Variants in SORCS2 observed in about 807,000 individuals in gnomAD.
SORCS2 encodes VPS10 domain-containing receptor SorCS2.
SORCS2 carries 100 observed loss-of-function variants against 141.6 expected under a neutral mutation model. The ratio of observed to expected loss-of-function variants is 0.71; its 90% CI spans 0.60 to 0.83. SORCS2 has a LOEUF of 0.83. SORCS2 is among the 40% of genes least tolerant of loss of function. SORCS2 has a pLI of 0.00. For synonymous variants in SORCS2, 789 were observed against 676.9 expected, an observed-to-expected ratio of 1.17 and a Z score of -2.57; for missense variants, 1,646 against 1,560.2, an observed-to-expected ratio of 1.05 and a Z score of -0.93.
In SORCS2 at chr4:7,462,960, T is replaced by C. The variant is rs1046219583; in HGVS notation, c.548+66605T>C. On this transcript the variant is annotated intron_variant, in intron 2 of 26. Coordinates refer to ENST00000507866, the MANE Select transcript of SORCS2 (RefSeq NM_020777.3). ...GTGCCAGGCTTGCCAATATGGGGAC[T>C]GAGGAGTGCCTGTTTGAGATCACTA... 6.6e-5 allele frequency among the ~76,000 whole-genome samples: 10 copies of C among 151,748 alleles called. No homozygotes were observed. The East Asian group carries it at 1.7e-3, about 26-fold the overall frequency.
chr4:7,235,305 C>G (rs1270408194), intron 1 of SORCS2, among the ~76,000 whole-genome samples: 1 of 152,224 alleles, frequency 6.6e-6, no homozygotes, highest in Non-Finnish European at 1.5e-5. Flanking sequence ...GTGGCCTCAT[C>G]GCCAGGACCC....
chr4:7,654,838 G>C (rs1300230800), intron 5 of SORCS2, among the ~76,000 whole-genome samples: 1 of 152,196 alleles, frequency 6.6e-6, no homozygotes, highest in East Asian at 1.9e-4. Context: ...GAGAAAGGAG[G>C]CTCCTGTCCC....
chr4:7,488,623 G>A (rs1232451613), intron 2 of SORCS2, among the ~76,000 whole-genome samples: 1 of 152,190 alleles, frequency 6.6e-6, no homozygotes, highest in Admixed American at 6.5e-5. Context: ...CACTCACCAG[G>A]ACAGGAACGG....
chr4:7,333,414 A>G (rs547036633), intron 1 of SORCS2, among the ~76,000 whole-genome samples: 3 of 152,218 alleles, frequency 2.0e-5, no homozygotes, highest in Non-Finnish European at 4.4e-5. Context: ...GCGGCAGCCC[A>G]GATGGGACAT....
At chr4:7,393,333 A>G (rs1723984955) in intron 1 of SORCS2, among the ~76,000 whole-genome samples, 1 of 152,186 alleles carries the variant, frequency 6.6e-6, no homozygotes, top group Non-Finnish European at 1.5e-5. Flanking sequence ...AAGAGCCCCA[A>G]GGCTAACACG....
At chr4:7,694,701 CACTT>C (rs1489365431) in intron 11 of SORCS2, among the ~76,000 whole-genome samples, 1 of 152,202 alleles carries the variant, frequency 6.6e-6, no homozygotes, top group East Asian at 1.9e-4. Context: ...TCACCTCACT[CACTT>C]CATTCATTCA....
rs2108841838 is a variant in SORCS2 at position 7,192,807 on chromosome 4, A to G, written c.161A>G (p.Glu54Gly). 1 of 1,023,192 alleles carries G rather than the reference A, an allele frequency of 9.8e-7. No homozygotes were observed. The allele number at this position is 1,023,192 out of a possible 1,614,324, so 63.4% of individuals were successfully genotyped here. A position where few individuals can be genotyped will look rare whatever the true frequency, so the allele number is the denominator to read the frequency against. Residue 54 changes from glutamate to glycine, a missense_variant, in exon 1 of 27, where the codon GAG (glutamate) becomes GGG (glycine). Physicochemically the swap from Glu to Gly is moderately conservative, Grantham distance 98. Coordinates refer to ENST00000507866, the MANE Select transcript of SORCS2 (RefSeq NM_020777.3). The surrounding 1 kb of genome is among the most constrained non-coding windows in gnomAD (Gnocchi z 4.0). ...TGCGGGGCGGCGGGGCGCTCCCCTGAGCCCGGGCGCCTGGGTCCTCACGCC... is the reference window on the plus strand; with the variant it reads ...TGCGGGGCGGCGGGGCGCTCCCCTGGGCCCGGGCGCCTGGGTCCTCACGCC... ...GACGAAGRSP[E>G]PGRLGPHAQL...
chr4:7,575,049 T>G (rs965023965), intron 3 of SORCS2, among the ~76,000 whole-genome samples: 23 of 152,210 alleles, frequency 1.5e-4, no homozygotes. Context: ...ATGAGGACAC[T>G]TGGTGAAGAT....
intron 10 of SORCS2, among the ~76,000 whole-genome samples, chr4:7,686,561 C>T (rs4286515): frequency 0.65 from 98,607 of 152,138 alleles, 32,401 homozygotes; most frequent in East Asian, 0.91. Flanking sequence ...ACTCCCAGGG[C>T]CACAGCCTGC....
chr4:7,286,818 C>T lies in SORCS2; in HGVS notation c.480+93692C>T, dbSNP rs781287084. Among the ~76,000 whole-genome samples the T allele has an allele frequency of 6.6e-6, 1 of 152,194 alleles. No individual in the cohort carries two copies. The highest frequency in any genetic ancestry group is 1.9e-4 in the East Asian group (1 of 5,184). ...CGTCTTGGGTCCCAGACCGTGGAACCTGGGTGCTGCTTTTCAGGGTACAGG... is the reference window on the plus strand; with the variant it reads ...CGTCTTGGGTCCCAGACCGTGGAACTTGGGTGCTGCTTTTCAGGGTACAGG... On this transcript the variant is annotated intron_variant, in intron 1 of 26. Transcript: ENST00000507866. This position sits in a 1 kb window ranked among gnomAD's most constrained non-coding sequence, Gnocchi z 4.1.
At chr4:7,494,028 CACACAG>C (rs200288591) in intron 2 of SORCS2, among the ~76,000 whole-genome samples, 85 of 139,964 alleles carry the variant, frequency 6.1e-4, no homozygotes, top group Middle Eastern at 7.7e-3. Context: ...TTCACACACA[CACACAG>C]ACACACACAC....
intron 2 of SORCS2, 72 bp downstream of exon 2, chr4:7,396,427 C>A: frequency 6.6e-7 from 1 of 1,520,060 alleles, no homozygotes; most frequent in South Asian, 1.2e-5. Flanking sequence ...CAGCTGAGGA[C>A]CGAGATCCAA....
chr4:7,671,941 C>CTTT (rs34912914), intron 8 of SORCS2, among the ~76,000 whole-genome samples: 8 of 128,596 alleles, frequency 6.2e-5, no homozygotes, highest in East Asian at 2.3e-4. Flanking sequence ...AAGACAGAAA[C>CTTT]TTTTTTTTTT....
At chr4:7,547,837 C>G (rs1296914938) in intron 3 of SORCS2, among the ~76,000 whole-genome samples, 1 of 152,244 alleles carries the variant, frequency 6.6e-6, no homozygotes, top group Non-Finnish European at 1.5e-5. Context: ...TGTCCACCGG[C>G]ACCTGGCACC....
intron 2 of SORCS2, among the ~76,000 whole-genome samples, chr4:7,503,405 T>G (rs538904288): frequency 6.6e-6 from 1 of 152,246 alleles, no homozygotes; most frequent in Admixed American, 6.5e-5. Context: ...CACACAGTCT[T>G]CAGCTGCAAC....
intron 1 of SORCS2, among the ~76,000 whole-genome samples, chr4:7,353,110 G>T (rs1721044943): frequency 6.6e-6 from 1 of 152,212 alleles, no homozygotes; most frequent in Non-Finnish European, 1.5e-5. Flanking sequence ...CTGGGAGGGG[G>T]TAGAGGAGGA....
At chr4:7,504,113 C>T (rs1176268109) in intron 2 of SORCS2, among the ~76,000 whole-genome samples, 1 of 152,218 alleles carries the variant, frequency 6.6e-6, no homozygotes, top group Admixed American at 6.5e-5. Flanking sequence ...AGGGGTAGGG[C>T]AGGGGCCTCT....
In SORCS2 at chr4:7,513,134, G is replaced by A. The variant is rs1732765197; in HGVS notation, c.549-18396G>A. On this transcript the variant is annotated intron_variant, in intron 2 of 26. Transcript: ENST00000507866. ...CACACTACTCGCTGTGGGATTCTGT[G>A]CAAGTCCTTTCGCCTCTCTGAGCCT... is the stretch of plus-strand genomic sequence containing the variant. Among the ~76,000 whole-genome samples the A allele has an allele frequency of 2.0e-5, 3 of 152,208 alleles. No individual in the cohort carries two copies. In the South Asian group the frequency reaches 6.2e-4, roughly 31 times the overall value.
chr4:7,291,179 C>T (rs1437666444), intron 1 of SORCS2, among the ~76,000 whole-genome samples: 1 of 152,114 alleles, frequency 6.6e-6, no homozygotes, highest in Non-Finnish European at 1.5e-5. Flanking sequence ...AGAGAAGGGG[C>T]TCGGATGAGG....
Sources: gnomAD v4.1 joint callset for allele counts (sites outside exome capture counted in the v4.1 genomes callset) on GRCh38, gnomAD v4.1.1 for gene constraint, Gnocchi (gnomAD v3.1) non-coding constraint, MANE v1.5 for transcripts, NCBI Gene and HGNC (gene_info 2026-07-23, HGNC 2026-07-21) for gene names.